Variants in KIF4B observed in about 807,000 individuals in gnomAD.
The protein encoded by KIF4B is kinesin family member 4B.
A neutral mutation model predicts 69.0 loss-of-function variants in KIF4B; 60 were observed. The ratio of observed to expected loss-of-function variants is 0.87; its 90% CI spans 0.71 to 1.08. The LOEUF (loss-of-function observed/expected upper bound fraction) is 1.08. KIF4B is among the 50% of genes least tolerant of loss of function. KIF4B has a pLI of 0.00. For synonymous variants in KIF4B, 489 were observed against 533.0 expected, an observed-to-expected ratio of 0.92 and a Z score of 1.14; for missense variants, 1,357 against 1,451.9, an observed-to-expected ratio of 0.93 and a Z score of 1.06.
In KIF4B at chr5:155,015,778, T is replaced by A. The variant is rs1765316776; in HGVS notation, c.1919T>A (p.Ile640Lys). 6.2e-7 allele frequency: 1 copy of A among 1,614,014 alleles called. No homozygotes were observed. The highest frequency in any genetic ancestry group is 8.5e-7 in the Non-Finnish European group (1 of 1,180,014). ...ACTGTCTCCAAGCTGAACCAAGAGA[T>A]ATGGATGATGAAAAACCAGCGGGTA... is the stretch of plus-strand genomic sequence containing the variant. ...ERTVSKLNQE[I>K]WMMKNQRVQL... is the part of the protein sequence containing the mutation. Residue 640 changes from isoleucine (I) to lysine (K), a missense_variant, in exon 1 of 1, where the codon ATA becomes AAA. Transcript: ENST00000435029.
chr5:155,017,007 C>T lies in KIF4B; in HGVS notation c.3148C>T (p.His1050Tyr). The T allele has an allele frequency of 6.2e-7, 1 of 1,614,162 alleles. No individual in the cohort carries two copies. The highest frequency in any genetic ancestry group is 1.1e-5 in the South Asian group (1 of 91,084). ...CGAGGATCTAAAATATTGTTCAGAGCATTCTGTGAATGAGCATGAAGATGG... is the reference window on the plus strand; with the variant it reads ...CGAGGATCTAAAATATTGTTCAGAGTATTCTGTGAATGAGCATGAAGATGG... Reference protein sequence around the residue: ...DIEDLKYCSEHSVNEHEDGDG... With the variant: ...DIEDLKYCSEYSVNEHEDGDG... The change falls in exon 1 of 1, where the codon CAT becomes TAT. Residue 1050 changes from histidine to tyrosine, a missense_variant. Coordinates refer to ENST00000435029, the MANE Select transcript of KIF4B (RefSeq NM_001099293.3).
chr5:155,013,770 C>A lies in KIF4B; in HGVS notation c.-90C>A, dbSNP rs1561755153. On this transcript the variant is annotated 5_prime_UTR_variant, in exon 1 of 1. Coordinates refer to ENST00000435029, the MANE Select transcript of KIF4B (RefSeq NM_001099293.3). Reference sequence around the variant, plus strand: ...TCTCTGGGAGGGATTTGAAACTTGGCGGTTAAAGCTCCGGCTGGGACAGGG... The same window carrying A: ...TCTCTGGGAGGGATTTGAAACTTGGAGGTTAAAGCTCCGGCTGGGACAGGG... 2.6e-5 allele frequency: 41 copies of A among 1,555,930 alleles called. 2 individuals are homozygous for A. The South Asian group carries it at 4.5e-4, about 17-fold the overall frequency.
In KIF4B at chr5:155,014,320, C is replaced by T. The variant is rs1403480670; in HGVS notation, c.461C>T (p.Pro154Leu). 3 of 1,614,062 alleles carry T rather than the reference C, an allele frequency of 1.9e-6. No homozygotes were observed. The highest frequency in any genetic ancestry group is 2.5e-6 in the Non-Finnish European group (3 of 1,180,042). The change falls in exon 1 of 1, where the codon CCA becomes CTA. Residue 154 changes from proline (P) to leucine (L), a missense_variant. Physicochemically the swap from Pro to Leu is moderately conservative, Grantham distance 98. Coordinates refer to ENST00000435029, the MANE Select transcript of KIF4B (RefSeq NM_001099293.3). ...YNEEILDLLC[P>L]SREKAQINIR... Reference sequence around the variant, plus strand: ...GAAGAAATTTTGGATCTTCTATGCCCATCTCGTGAGAAAGCTCAAATAAAT... The same window carrying T: ...GAAGAAATTTTGGATCTTCTATGCCTATCTCGTGAGAAAGCTCAAATAAAT...
At position 155,016,539 on chromosome 5, in the gene KIF4B, A is replaced by G; in HGVS notation, c.2680A>G (p.Ser894Gly). 6.2e-7 allele frequency: 1 copy of G among 1,614,212 alleles called. No homozygotes were observed. Among genetic ancestry groups the G allele is most frequent in the South Asian group, 1.1e-5 (1 of 91,082 alleles). The change falls in exon 1 of 1, where the codon AGC becomes GGC. Residue 894 changes from serine (S) to glycine (G), a missense_variant. Transcript: ENST00000435029. ...AAACAGCCTGAGACAGAGCAAGGCC[A>G]GCTGTGCTGACATGCAGAAGATGCT... The part of the protein sequence containing the change: ...LENSLRQSKA[S>G]CADMQKMLFE...
chr5:155,016,552 T>C lies in KIF4B; in HGVS notation c.2693T>C (p.Met898Thr), dbSNP rs762418876. The C allele has an allele frequency of 8.7e-6, 14 of 1,614,126 alleles. No individual in the cohort carries two copies. The highest frequency in any genetic ancestry group is 1.2e-5 in the Non-Finnish European group (14 of 1,180,042). The change falls in exon 1 of 1, where the codon ATG (methionine) becomes ACG (threonine). Residue 898 changes from methionine to threonine, a missense_variant. By Grantham distance (81) the Met-to-Thr change is moderately conservative. Coordinates refer to ENST00000435029, the MANE Select transcript of KIF4B (RefSeq NM_001099293.3). ...LRQSKASCAD[M>T]QKMLFEEQNH... ...CAGAGCAAGGCCAGCTGTGCTGACA[T>C]GCAGAAGATGCTATTTGAGGAACAA...
At position 155,017,758 on chromosome 5, in the gene KIF4B, C is replaced by A; in HGVS notation, c.*194C>A. On this transcript the variant is annotated 3_prime_UTR_variant, in exon 1 of 1. Transcript: ENST00000435029. The stretch of plus-strand genomic sequence containing the variant: ...GTCTCCATCCCCAGACTACTGCTCT[C>A]TGCTCTCTAGAAGGCTGCTAAACCA... 1 of 1,045,046 alleles carries A rather than the reference C, an allele frequency of 9.6e-7. No individual in the cohort carries two copies. The highest frequency in any genetic ancestry group is 1.4e-6 in the Non-Finnish European group (1 of 734,844). The allele number at this position is 1,045,046 out of a possible 1,614,324, so 64.7% of individuals were successfully genotyped here.
rs1426539253 is a variant in KIF4B, at chr5:155,015,311, G to A, written c.1452G>A (p.Thr484=). The part of the protein sequence containing the change: ...TQLSDETVAC[T]AAAIDTAVEE... The stretch of plus-strand genomic sequence containing the variant: ...TATCAGATGAAACTGTTGCTTGCAC[G>A]GCTGCAGCCATTGATACTGCGGTAG... Residue 484 remains threonine (T), a synonymous_variant, in exon 1 of 1, where the codon ACG becomes ACA. Transcript: ENST00000435029. The A allele has an allele frequency of 1.9e-6, 3 of 1,614,178 alleles. No homozygotes were observed. Among genetic ancestry groups the A allele is most frequent in the Middle Eastern group, 1.7e-4 (1 of 6,060 alleles).
rs752006333 is a variant in KIF4B at position 155,017,554 on chromosome 5, A to G, written c.3695A>G (p.Glu1232Gly). Residue 1232 changes from glutamate (E) to glycine (G), a missense_variant, in exon 1 of 1, where the codon GAG becomes GGG. Coordinates refer to ENST00000435029, the MANE Select transcript of KIF4B (RefSeq NM_001099293.3). Reference sequence around the variant, plus strand: ...TCTGGCTGCTCCCCTATCGAAGAAGAGGCCCACTGAAGTTGGAGTCATCAT... The same window carrying G: ...TCTGGCTGCTCCCCTATCGAAGAAGGGGCCCACTGAAGTTGGAGTCATCAT... ...FFSGCSPIEE[E>G]AH The G allele has an allele frequency of 2.5e-6, 4 of 1,612,144 alleles. No individual in the cohort carries two copies. The highest frequency in any genetic ancestry group is 3.4e-6 in the Non-Finnish European group (4 of 1,179,748).
In KIF4B at chr5:155,016,983, G is replaced by A. The variant is rs559518945; in HGVS notation, c.3124G>A (p.Glu1042Lys). The change falls in exon 1 of 1, where the codon GAG (glutamate) becomes AAG (lysine). Residue 1042 changes from glutamate to lysine, a missense_variant. By Grantham distance (56) the Glu-to-Lys change is moderately conservative. Coordinates refer to ENST00000435029, the MANE Select transcript of KIF4B (RefSeq NM_001099293.3). The stretch of plus-strand genomic sequence containing the variant: ...GTTTCTGGAGCAAAGCATGGACATC[G>A]AGGATCTAAAATATTGTTCAGAGCA... ...EKFLEQSMDI[E>K]DLKYCSEHSV... The A allele has an allele frequency of 1.4e-5, 23 of 1,614,040 alleles. No individual in the cohort carries two copies. In the East Asian group the frequency reaches 2.7e-4, roughly 19 times the overall value.
Position 155,016,827 on chromosome 5 carries a change from A to G in KIF4B, c.2968A>G (p.Ile990Val). ...GCAGCTTCTCCAAGAGAATGAAATC[A>G]TCAAGCAGAAACTGATCCTCCTCCA... ...NQQLLQENEI[I>V]KQKLILLQVA... The change falls in exon 1 of 1, where the codon ATC (isoleucine) becomes GTC (valine). Residue 990 changes from isoleucine (I) to valine (V), a missense_variant. Ile to Val is a conservative substitution (Grantham distance 29, BLOSUM62 3). Coordinates refer to ENST00000435029, the MANE Select transcript of KIF4B (RefSeq NM_001099293.3). 1.2e-6 allele frequency: 2 copies of G among 1,614,220 alleles called. No individual in the cohort carries two copies. The highest frequency in any genetic ancestry group is 1.1e-5 in the South Asian group (1 of 91,084).
chr5:155,014,747 G>A lies in KIF4B; in HGVS notation c.888G>A (p.Leu296=). ...ACAGAGATTCCAAGTTAACTCGACT[G>A]CTGCAAGATTCTCTAGGAGGTAACA... ...VPYRDSKLTR[L]LQDSLGGNSH... Residue 296 remains leucine, a synonymous_variant, in exon 1 of 1, where the codon CTG becomes CTA. Transcript: ENST00000435029. 6.2e-7 allele frequency: 1 copy of A among 1,614,150 alleles called. No individual in the cohort carries two copies. Among genetic ancestry groups the A allele is most frequent in the South Asian group, 1.1e-5 (1 of 91,078 alleles).
Position 155,015,129 on chromosome 5 carries a change from G to A in KIF4B, c.1270G>A (p.Glu424Lys). Reference sequence around the variant, plus strand: ...GATGTTGGAGAGGATCATTTTGACAGAGCAAGTGAATGAAAAACTGAACGC... The same window carrying A: ...GATGTTGGAGAGGATCATTTTGACAAAGCAAGTGAATGAAAAACTGAACGC... Reference protein sequence around the residue: ...AQMLERIILTEQVNEKLNAKL... With the variant: ...AQMLERIILTKQVNEKLNAKL... The change falls in exon 1 of 1, where the codon GAG (glutamate) becomes AAG (lysine). Residue 424 changes from glutamate to lysine, a missense_variant. Physicochemically the swap from Glu to Lys is moderately conservative, Grantham distance 56. Transcript: ENST00000435029. 6.2e-7 allele frequency: 1 copy of A among 1,614,240 alleles called. No homozygotes were observed. The highest frequency in any genetic ancestry group is 8.5e-7 in the Non-Finnish European group (1 of 1,180,052).
chr5:155,016,403 TA>T lies in KIF4B; in HGVS notation c.2545del (p.Arg849GlyfsTer19), dbSNP rs867672207. 2 of 1,614,178 alleles carry T rather than the reference TA, an allele frequency of 1.2e-6. No individual in the cohort carries two copies. Among genetic ancestry groups the T allele is most frequent in the Non-Finnish European group, 1.7e-6 (2 of 1,180,038 alleles). ...QKLLDAESED[R>X]PKQCWENIAT... is the part of the protein sequence containing the mutation. ...AGCTGCTGGATGCAGAAAGTGAAGA[TA>T]GGCCAAAACAATGCTGGGAGAATAT... On this transcript the variant is annotated frameshift_variant, in exon 1 of 1. Transcript: ENST00000435029. LOFTEE classifies it high-confidence loss of function.
chr5:155,014,171 G>A lies in KIF4B; in HGVS notation c.312G>A (p.Ala104=), dbSNP rs1434202651. The part of the protein sequence containing the change: ...KTYSMGGAYT[A]EQENEPTVGI... ...ATTCAATGGGAGGTGCATACACTGC[G>A]GAGCAGGAGAATGAACCAACAGTTG... The change falls in exon 1 of 1, where the codon GCG becomes GCA. Residue 104 remains alanine, a synonymous_variant. Coordinates refer to ENST00000435029, the MANE Select transcript of KIF4B (RefSeq NM_001099293.3). The A allele has an allele frequency of 4.3e-6, 7 of 1,614,088 alleles. No homozygotes were observed. Among genetic ancestry groups the A allele is most frequent in the South Asian group, 1.1e-5 (1 of 91,090 alleles).
chr5:155,014,777 C>T lies in KIF4B; in HGVS notation c.918C>T (p.His306=), dbSNP rs2113054548. 6.2e-7 allele frequency: 1 copy of T among 1,614,174 alleles called. No individual in the cohort carries two copies. Among genetic ancestry groups the T allele is most frequent in the Non-Finnish European group, 8.5e-7 (1 of 1,180,034 alleles). ...LLQDSLGGNS[H]TLMIACVSPA... ...AAGATTCTCTAGGAGGTAACAGCCA[C>T]ACTCTTATGATAGCCTGTGTGAGTC... Residue 306 remains histidine, a synonymous_variant, in exon 1 of 1, where the codon CAC becomes CAT. Coordinates refer to ENST00000435029, the MANE Select transcript of KIF4B (RefSeq NM_001099293.3).
In KIF4B at chr5:155,016,237, C is replaced by T. The variant is rs752446313; in HGVS notation, c.2378C>T (p.Pro793Leu). ...AAGGAATCTCGGGAGAATCCACCTC[C>T]TAAACTCCGGAAGTGTACATTCTCC... ...EKKESRENPP[P>L]KLRKCTFSLS... is the part of the protein sequence containing the mutation. The change falls in exon 1 of 1, where the codon CCT becomes CTT. Residue 793 changes from proline (P) to leucine (L), a missense_variant. Coordinates refer to ENST00000435029, the MANE Select transcript of KIF4B (RefSeq NM_001099293.3). 1.2e-6 allele frequency: 2 copies of T among 1,614,154 alleles called. No individual in the cohort carries two copies. Among genetic ancestry groups the T allele is most frequent in the Non-Finnish European group, 8.5e-7 (1 of 1,180,024 alleles).
rs373876445 is a variant in KIF4B, at chr5:155,013,852, A to G, written c.-8A>G. 5.6e-6 allele frequency: 9 copies of G among 1,612,692 alleles called. No homozygotes were observed. In the African/African-American group the frequency reaches 9.3e-5, roughly 17 times the overall value. Reference sequence around the variant, plus strand: ...ACATTTAGTTTGAGACGGTGCTGAGATAGGATCATGAAGGAAGAGGTGAAG... The same window carrying G: ...ACATTTAGTTTGAGACGGTGCTGAGGTAGGATCATGAAGGAAGAGGTGAAG... On this transcript the variant is annotated 5_prime_UTR_variant, in exon 1 of 1. Transcript: ENST00000435029.
rs757596958 is a variant in KIF4B at position 155,017,855 on chromosome 5, C to T, written c.*291C>T. The T allele has an allele frequency of 8.6e-5, 35 of 407,288 alleles. No individual in the cohort carries two copies. The highest frequency in any genetic ancestry group is 1.4e-4 in the Non-Finnish European group (30 of 221,756). 25.2% of individuals were successfully genotyped at this position (407,288 alleles called of 1,614,324 possible). A position where few individuals can be genotyped will look rare whatever the true frequency, so the allele number is the denominator to read the frequency against. ...ACCAGTCCTCAGTATGATCAAGTTC[C>T]TTCTTATTTGTGAGCAGTTCAGGCT... On this transcript the variant is annotated 3_prime_UTR_variant, in exon 1 of 1. Coordinates refer to ENST00000435029, the MANE Select transcript of KIF4B (RefSeq NM_001099293.3).
chr5:155,017,927 C>A lies in KIF4B; in HGVS notation c.*363C>A. 4.4e-6 allele frequency: 1 copy of A among 228,856 alleles called. No homozygotes were observed. Among genetic ancestry groups the A allele is most frequent in the Non-Finnish European group, 9.3e-6 (1 of 107,158 alleles). The allele number at this position is 228,856 out of a possible 1,614,324, so 14.2% of individuals were successfully genotyped here. On this transcript the variant is annotated 3_prime_UTR_variant, in exon 1 of 1. Transcript: ENST00000435029. ...CAAGGCTTTCTTATCTTTTGGTTGT[C>A]TCTGCTTAATGGAGGAGCCTGGCCT...
Sources: allele counts gnomAD v4.1 joint callset, GRCh38; gene constraint gnomAD v4.1.1; transcripts MANE v1.5; gene names NCBI Gene and HGNC (gene_info 2026-07-23, HGNC 2026-07-21).